The following ZSCAN32 variants were observed in gnomAD, a reference collection of about 807,000 sequenced individuals.
ZSCAN32 encodes zinc finger and SCAN domain-containing protein 32.
In ZSCAN32, 52 loss-of-function variants were observed where a neutral mutation model predicts 47.4. The ratio of observed to expected loss-of-function variants is 1.10; its 90% CI spans 0.88 to 1.38. The LOEUF is 1.38. Among genes scored for constraint, ZSCAN32 ranks in the 40% most tolerant of loss-of-function variants. The pLI, the probability that ZSCAN32 is intolerant of heterozygous loss-of-function variation, is 0.00. For missense variants in ZSCAN32, 959 were observed against 846.0 expected (o/e 1.13, Z -1.66); for synonymous variants, 346 against 305.7 (o/e 1.13, Z -1.38).
In ZSCAN32 at chr16:3,384,693, C is replaced by T. The variant is rs1567303789; in HGVS notation, c.1000G>A (p.Glu334Lys). The T allele has an allele frequency of 6.2e-7, 1 of 1,614,204 alleles. No homozygotes were observed. Among genetic ancestry groups the T allele is most frequent in the South Asian group, 1.1e-5 (1 of 91,090 alleles). The change falls in exon 6 of 7, where the codon GAA becomes AAA. Residue 334 changes from glutamate to lysine, a missense_variant. Glu to Lys is a moderately conservative substitution (Grantham distance 56). Coordinates refer to ENST00000396852, the MANE Select transcript of ZSCAN32 (RefSeq NM_001284527.2). ...RVPEPCIFYE[E>K]MNALSGSWAS... ...CAGGAGCCTGAAAGAGCATTCATTT[C>T]CTCATAAAAGATACAAGGCTCAGGC... is the stretch of plus-strand genomic sequence containing the variant.
Position 3,393,214 on chromosome 16 carries a change from A to ATATATAAATATATATATATTT in ZSCAN32, c.532+434_532+435insAAATATATATATATTTATATA. ...TTTATATATATATTTATATTTATATATATATATATATATAAATTTATATAT... is the reference window on the plus strand; with the variant it reads ...TTTATATATATATTTATATTTATATATATATAAATATATATATATTTTATATATATATATAAATTTATATAT... On this transcript the variant is annotated intron_variant, in intron 3 of 6. Transcript: ENST00000396852. 1.6e-4 allele frequency among the ~76,000 whole-genome samples: 4 copies of ATATATAAATATATATATATTT among 25,280 alleles called. 1 individual carries two copies. Among genetic ancestry groups the ATATATAAATATATATATATTT allele is most frequent in the Non-Finnish European group, 2.5e-4 (4 of 15,762 alleles). The allele number at this position is 25,280 out of a possible 152,430, so 16.6% of individuals were successfully genotyped here. A position where few individuals can be genotyped will look rare whatever the true frequency, so the allele number is the denominator to read the frequency against.
In ZSCAN32 at chr16:3,383,535, C is replaced by T. The variant is rs376041345; in HGVS notation, c.1411G>A (p.Glu471Lys). 4.3e-6 allele frequency: 7 copies of T among 1,613,978 alleles called. No individual in the cohort carries two copies. Among genetic ancestry groups the T allele is most frequent in the Non-Finnish European group, 5.9e-6 (7 of 1,180,038 alleles). The change falls in exon 7 of 7, where the codon GAG (glutamate) becomes AAG (lysine). Residue 471 changes from glutamate to lysine, a missense_variant. Glu to Lys is a moderately conservative substitution (Grantham distance 56). Transcript: ENST00000396852. The part of the protein sequence containing the change: ...SRRQCRNSPG[E>K]SEEKTPSQEK... ...TGGGATGGGGTTTTCTCCTCACTCT[C>T]CCCTGGAGAATTTCTACATTGCCTT...
In ZSCAN32 at chr16:3,397,858, T is replaced by C. The variant is rs2033525146; in HGVS notation, c.-187-114A>G. 1.1e-5 allele frequency: 3 copies of C among 269,252 alleles called. No individual in the cohort carries two copies. In the East Asian group the frequency reaches 2.6e-4, roughly 23 times the overall value. The allele number at this position is 269,252 out of a possible 1,614,324, so 16.7% of individuals were successfully genotyped here. ...TCCCTCCACAAATCTACACCAAGGA[T>C]CCAAAACACTAGAAATAGATCTAGA... is the stretch of plus-strand genomic sequence containing the variant. On this transcript the variant is annotated intron_variant, in intron 1 of 6. Coordinates refer to ENST00000396852, the MANE Select transcript of ZSCAN32 (RefSeq NM_001284527.2).
chr16:3,400,630 G>T (rs1345883093), intron 1 of ZSCAN32, among the ~76,000 whole-genome samples: 7 of 152,234 alleles, frequency 4.6e-5, no homozygotes, highest in Non-Finnish European at 8.8e-5. Flanking sequence ...TACTCAGAAC[G>T]CACTCGGTGC....
Position 3,397,633 on chromosome 16 carries a change from G to C in ZSCAN32, c.-76C>G. ...AGAGTCCATCTTTCCCACATCACTG[G>C]GAAGCCATGTTCTCCTGCAAGGAAT... On this transcript the variant is annotated 5_prime_UTR_variant, in exon 2 of 7. Transcript: ENST00000396852. 1 of 1,442,380 alleles carries C rather than the reference G, an allele frequency of 6.9e-7. No homozygotes were observed. Among genetic ancestry groups the C allele is most frequent in the Non-Finnish European group, 9.1e-7 (1 of 1,095,106 alleles). The allele number at this position is 1,442,380 out of a possible 1,614,324, so 89.3% of individuals were successfully genotyped here. A position where few individuals can be genotyped will look rare whatever the true frequency, so the allele number is the denominator to read the frequency against.
intron 5 of ZSCAN32, among the ~76,000 whole-genome samples, chr16:3,387,137 T>C (rs1567308419): frequency 6.6e-6 from 1 of 152,188 alleles, no homozygotes; most frequent in Non-Finnish European, 1.5e-5. Context: ...TTCTCGTTAA[T>C]TATCCTCAAT....
rs200094282 is a variant in ZSCAN32 at position 3,383,318 on chromosome 16, T to C, written c.1628A>G (p.His543Arg). The C allele has an allele frequency of 2.8e-5, 45 of 1,614,102 alleles. No individual in the cohort carries two copies. Among genetic ancestry groups the C allele is most frequent in the Non-Finnish European group, 3.6e-5 (43 of 1,180,046 alleles). The change falls in exon 7 of 7, where the codon CAC becomes CGC. Residue 543 changes from histidine to arginine, a missense_variant. His to Arg is a conservative substitution (Grantham distance 29). Coordinates refer to ENST00000396852, the MANE Select transcript of ZSCAN32 (RefSeq NM_001284527.2). ...SSYLVRHQRI[H>R]TGEKPHKCSE... ...GCACTTGTGAGGCTTCTCGCCTGTG[T>C]GGATTCTTTGATGCCGAACAAGATA... is the stretch of plus-strand genomic sequence containing the variant.
At chr16:3,388,607 A>C (rs140019831) in intron 5 of ZSCAN32, among the ~76,000 whole-genome samples, 1 of 152,316 alleles carries the variant, frequency 6.6e-6, no homozygotes, top group Non-Finnish European at 1.5e-5. Flanking sequence ...GTAGGCACTA[A>C]ATTAATATTT....
chr16:3,383,641 G>C lies in ZSCAN32; in HGVS notation c.1305C>G (p.Asn435Lys), dbSNP rs757450287. 4.4e-6 allele frequency: 7 copies of C among 1,608,142 alleles called. No individual in the cohort carries two copies. The highest frequency in any genetic ancestry group is 5.9e-6 in the Non-Finnish European group (7 of 1,178,676). ...KWDDSEEVEI[N>K]KALQRKSRGV... Reference sequence around the variant, plus strand: ...CTCTGGACTTTCTCTGTAAAGCCTTGTTTATTTCTACTTCCTCTGAATCAT... The same window carrying C: ...CTCTGGACTTTCTCTGTAAAGCCTTCTTTATTTCTACTTCCTCTGAATCAT... Residue 435 changes from asparagine (N) to lysine (K), a missense_variant, in exon 7 of 7, where the codon AAC becomes AAG. Physicochemically the swap from Asn to Lys is moderately conservative, Grantham distance 94. Transcript: ENST00000396852.
rs1468747077 is a variant in ZSCAN32 at position 3,390,025 on chromosome 16, T to C, written c.736A>G (p.Ser246Gly). The C allele has an allele frequency of 1.2e-6, 2 of 1,613,068 alleles. No homozygotes were observed. Among genetic ancestry groups the C allele is most frequent in the South Asian group, 2.2e-5 (2 of 90,818 alleles). The part of the protein sequence containing the change: ...LYRGATQRKD[S>G]HVSLATGVPW... ...GGATCCTTACCCAGCGAGACGTGACTGTCCTTCCTCTGGGTGGCACCCCTG... is the reference window on the plus strand; with the variant it reads ...GGATCCTTACCCAGCGAGACGTGACCGTCCTTCCTCTGGGTGGCACCCCTG... The change falls in exon 5 of 7, where the codon AGT becomes GGT. Residue 246 changes from serine (S) to glycine (G), a missense_variant. Coordinates refer to ENST00000396852, the MANE Select transcript of ZSCAN32 (RefSeq NM_001284527.2).
At chr16:3,389,739 A>G (rs1422158283) in intron 5 of ZSCAN32, among the ~76,000 whole-genome samples, 1 of 152,214 alleles carries the variant, frequency 6.6e-6, no homozygotes, top group East Asian at 1.9e-4. Flanking sequence ...GCTCTGGACT[A>G]CTTGTTCTGA....
chr16:3,387,038 A>G (rs1334519873), intron 5 of ZSCAN32, among the ~76,000 whole-genome samples: 1 of 152,126 alleles, frequency 6.6e-6, no homozygotes, highest in Admixed American at 6.5e-5. Flanking sequence ...CTTTTTGTCT[A>G]AAACATGAAA....
intron 5 of ZSCAN32, among the ~76,000 whole-genome samples, chr16:3,387,189 G>C (rs1482637833): frequency 2.0e-5 from 3 of 152,168 alleles, no homozygotes; most frequent in African/African-American, 4.8e-5. Context: ...AATAAGGGTA[G>C]TGGCTTGCCT....
chr16:3,399,644 C>T (rs987289641), intron 1 of ZSCAN32, among the ~76,000 whole-genome samples: 3 of 152,138 alleles, frequency 2.0e-5, no homozygotes, highest in Non-Finnish European at 4.4e-5. Flanking sequence ...TGGAGTCTCA[C>T]TCTGTTGCCC....
At chr16:3,383,740 A>G (rs551120871) in intron 6 of ZSCAN32, 29 bp from the exon 7 acceptor site, 1 of 1,554,682 alleles carries the variant, frequency 6.4e-7, no homozygotes, top group Non-Finnish European at 8.6e-7. Context: ...ACAGAAATAC[A>G]ATGGACTATA....
intron 2 of ZSCAN32, among the ~76,000 whole-genome samples, chr16:3,395,555 C>T (rs1307642351): frequency 1.3e-5 from 2 of 152,212 alleles, no homozygotes; most frequent in African/African-American, 4.8e-5. Flanking sequence ...GAGGCCTCCA[C>T]AGCCATGCAG....
At position 3,382,716 on chromosome 16, in the gene ZSCAN32, G is replaced by A; in HGVS notation, c.*136C>T. The A allele has an allele frequency of 2.8e-6, 4 of 1,403,954 alleles. No individual in the cohort carries two copies. Among genetic ancestry groups the A allele is most frequent in the Non-Finnish European group, 3.8e-6 (4 of 1,057,226 alleles). The allele number at this position is 1,403,954 out of a possible 1,614,324, so 87.0% of individuals were successfully genotyped here. ...GTCAGCGTCCTTATGCTGACTCCTGGTCCTAGACATGGGTCTTAAGATCCA... is the reference window on the plus strand; with the variant it reads ...GTCAGCGTCCTTATGCTGACTCCTGATCCTAGACATGGGTCTTAAGATCCA... On this transcript the variant is annotated 3_prime_UTR_variant, in exon 7 of 7. Transcript: ENST00000396852.
In ZSCAN32 at chr16:3,397,382, C is replaced by G. The variant is rs1026738665; in HGVS notation, c.176G>C (p.Trp59Ser). 1 of 1,554,876 alleles carries G rather than the reference C, an allele frequency of 6.4e-7. No individual in the cohort carries two copies. The highest frequency in any genetic ancestry group is 1.4e-5 in the African/African-American group (1 of 73,194). The change falls in exon 2 of 7, where the codon TGG becomes TCG. Residue 59 changes from tryptophan (W) to serine (S), a missense_variant. Trp to Ser is a radical substitution (Grantham distance 177). Coordinates refer to ENST00000396852, the MANE Select transcript of ZSCAN32 (RefSeq NM_001284527.2). ...TGPHEAFSKL[W>S]ELCCQWLRPK... ...CCTCAGCCACTGACAACAGAGTTCC[C>G]AGAGTTTGCTAAAAGCTTCATGTGG...
intron 3 of ZSCAN32, among the ~76,000 whole-genome samples, chr16:3,392,208 G>T (rs2032788270): frequency 6.6e-6 from 1 of 152,102 alleles, no homozygotes; most frequent in Non-Finnish European, 1.5e-5. Flanking sequence ...AACAGAATGG[G>T]GAGCAACTGT....
Sources: allele counts gnomAD v4.1 joint callset (sites outside exome capture counted in the v4.1 genomes callset), GRCh38; gene constraint gnomAD v4.1.1; transcripts MANE v1.5; gene names NCBI Gene and HGNC (gene_info 2026-07-23, HGNC 2026-07-21).